ANKS1B: variants seen among roughly 807,000 people sequenced by gnomAD.
The protein encoded by ANKS1B is ankyrin repeat and sterile alpha motif domain-containing protein 1B.
Under a neutral mutation model 148.3 loss-of-function variants are expected in ANKS1B, and 36 were observed. The observed-to-expected ratio is 0.24, with a 90% CI of 0.19 to 0.32. The LOEUF (loss-of-function observed/expected upper bound fraction) is 0.32. Ranked by LOEUF, ANKS1B falls within the 10% of genes least tolerant of loss-of-function variation. The pLI, the probability that ANKS1B is intolerant of heterozygous loss-of-function variation, is 1.00. For missense variants in ANKS1B, 1,157 were observed against 1,542.6 expected (o/e 0.75, Z 4.19); for synonymous variants, 542 against 560.8 (o/e 0.97, Z 0.47).
chr12:99,408,972 G>C lies in ANKS1B; in HGVS notation c.1576-9161C>G, dbSNP rs566589605. On this transcript the variant is annotated intron_variant, in intron 11 of 26. Transcript: ENST00000683438. ...GAGGTTCCTTAAATAACTAGAAATA[G>C]AACTACCATATGATCCTGCAGTCAC... is the stretch of plus-strand genomic sequence containing the variant. Among the ~76,000 whole-genome samples the C allele has an allele frequency of 1.2e-4, 13 of 112,042 alleles. 3 individuals carry two copies. The highest frequency in any genetic ancestry group is 4.9e-4 in the African/African-American group (13 of 26,564). 73.5% of individuals were successfully genotyped at this position (112,042 alleles called of 152,430 possible). A position where few individuals can be genotyped will look rare whatever the true frequency, so the allele number is the denominator to read the frequency against.
chr12:99,074,283 T>C (rs1430006983), intron 16 of ANKS1B, among the ~76,000 whole-genome samples: 1 of 152,036 alleles, frequency 6.6e-6, no homozygotes, highest in Non-Finnish European at 1.5e-5. Context: ...AAAAGTGATA[T>C]TTCAGCTCTG....
At chr12:99,396,812 G>A (rs542118924) in intron 12 of ANKS1B, among the ~76,000 whole-genome samples, 3 of 152,168 alleles carry the variant, frequency 2.0e-5, no homozygotes, top group East Asian at 3.9e-4. Flanking sequence ...GTTGAAAACC[G>A]ATTCTTACCT....
intron 14 of ANKS1B, among the ~76,000 whole-genome samples, chr12:99,197,573 G>A (rs533932907): frequency 2.6e-5 from 4 of 152,212 alleles, no homozygotes; most frequent in South Asian, 2.1e-4. Context: ...ACCTAGGTGG[G>A]CCCAATCTAA....
chr12:99,677,652 A>T (rs2098586021), intron 8 of ANKS1B, among the ~76,000 whole-genome samples: 1 of 152,176 alleles, frequency 6.6e-6, no homozygotes. Flanking sequence ...TTCTGAATAA[A>T]TTCTCCATTT....
chr12:99,235,833 T>C (rs2087801975), intron 14 of ANKS1B, among the ~76,000 whole-genome samples: 1 of 152,184 alleles, frequency 6.6e-6, no homozygotes, highest in Non-Finnish European at 1.5e-5. Flanking sequence ...TTCTCACTTG[T>C]TCCAACATAA....
At chr12:98,942,166 A>G (rs517636) in intron 17 of ANKS1B, among the ~76,000 whole-genome samples, 98,221 of 148,798 alleles carry the variant, frequency 0.66, 34,966 homozygotes, top group Non-Finnish European at 0.8. Context: ...ACTTGAACCC[A>G]GGAGGCAGAG....
chr12:99,126,839 G>A (rs1485000999), intron 15 of ANKS1B, among the ~76,000 whole-genome samples: 1 of 152,122 alleles, frequency 6.6e-6, no homozygotes, highest in Non-Finnish European at 1.5e-5. Flanking sequence ...TATCGATTAA[G>A]AGTCTACCCA....
At chr12:98,797,401 G>A (rs144450841) in intron 22 of ANKS1B, among the ~76,000 whole-genome samples, 6 of 152,076 alleles carry the variant, frequency 3.9e-5, no homozygotes, top group African/African-American at 1.2e-4. Flanking sequence ...CCATTTCTTC[G>A]TCTGTAAAAT....
At chr12:99,144,158 AC>A (rs1412211089) in intron 15 of ANKS1B, among the ~76,000 whole-genome samples, 1 of 152,096 alleles carries the variant, frequency 6.6e-6, no homozygotes, top group Non-Finnish European at 1.5e-5. Context: ...ATAAAACATT[AC>A]TTGCCTAATC....
chr12:99,355,477 G>C (rs1276302212), intron 12 of ANKS1B, among the ~76,000 whole-genome samples: 1 of 152,136 alleles, frequency 6.6e-6, no homozygotes, highest in Non-Finnish European at 1.5e-5. Flanking sequence ...ACTAAAAGGT[G>C]AGTAATACTA....
intron 1 of ANKS1B, among the ~76,000 whole-genome samples, chr12:99,865,491 G>C (rs2090614683): frequency 6.6e-6 from 1 of 152,166 alleles, no homozygotes. Context: ...TAGGTACCGA[G>C]GCATCCTGGA....
At chr12:98,846,784 C>A (rs2099475692) in intron 17 of ANKS1B, among the ~76,000 whole-genome samples, 1 of 152,220 alleles carries the variant, frequency 6.6e-6, no homozygotes, top group Non-Finnish European at 1.5e-5. Context: ...GAGTTAAATA[C>A]TACTTTTGAA....
At chr12:99,658,183 TAGAC>T (rs1314812958) in intron 8 of ANKS1B, among the ~76,000 whole-genome samples, 2 of 152,126 alleles carry the variant, frequency 1.3e-5, no homozygotes, top group East Asian at 1.9e-4. Context: ...GCTCTAAAAT[TAGAC>T]AGTCCTGAAT....
chr12:99,905,450 T>C (rs937006147), intron 1 of ANKS1B, among the ~76,000 whole-genome samples: 27 of 152,206 alleles, frequency 1.8e-4, no homozygotes, highest in Non-Finnish European at 2.8e-4. Context: ...TAAATGGCTC[T>C]TGGTTCCTCA....
intron 11 of ANKS1B, among the ~76,000 whole-genome samples, chr12:99,409,470 T>C (rs540499673): frequency 1.3e-5 from 2 of 152,214 alleles, no homozygotes; most frequent in South Asian, 4.2e-4. Flanking sequence ...TCAGCAATAA[T>C]TTATTGTACC....
At chr12:99,042,638 C>T (rs969084146) in intron 17 of ANKS1B, among the ~76,000 whole-genome samples, 5 of 152,156 alleles carry the variant, frequency 3.3e-5, no homozygotes, top group Admixed American at 2.0e-4. Context: ...TTGGAAGCTG[C>T]CCCTCCATTT....
intron 12 of ANKS1B, among the ~76,000 whole-genome samples, chr12:99,330,489 T>C (rs983963442): frequency 6.6e-6 from 1 of 151,984 alleles, no homozygotes; most frequent in Non-Finnish European, 1.5e-5. Flanking sequence ...AGCTCTGAAA[T>C]TCGACAACTT....
chr12:98,880,112 C>T (rs923705290), intron 17 of ANKS1B, among the ~76,000 whole-genome samples: 6 of 152,152 alleles, frequency 3.9e-5, no homozygotes, highest in Admixed American at 6.5e-5. Flanking sequence ...TGCTAACCTT[C>T]GGAAAGCTAC....
chr12:99,893,301 C>T (rs1488570731), intron 1 of ANKS1B, among the ~76,000 whole-genome samples: 1 of 151,860 alleles, frequency 6.6e-6, no homozygotes, highest in East Asian at 1.9e-4. Flanking sequence ...GTCCCAGCCA[C>T]TCAGGAGGCT....
Sources: allele counts gnomAD v4.1 joint callset (sites outside exome capture counted in the v4.1 genomes callset), GRCh38; gene constraint gnomAD v4.1.1; transcripts MANE v1.5; gene names NCBI Gene and HGNC (gene_info 2026-07-23, HGNC 2026-07-21).